The following CD300C variants were observed in gnomAD, a reference collection of about 807,000 sequenced individuals.
CD300C encodes the protein CMRF35-like molecule 6.
A neutral mutation model predicts 18.4 loss-of-function variants in CD300C; 11 were observed. The observed-to-expected ratio is 0.60, with a 90% CI of 0.38 to 0.99. CD300C has a LOEUF of 0.99. Among genes scored for constraint, CD300C ranks in the 50% least tolerant of loss-of-function variants. The pLI, the probability that CD300C is intolerant of heterozygous loss-of-function variation, is 0.01. For synonymous variants in CD300C, 116 were observed against 116.3 expected, an observed-to-expected ratio of 1.00 and a Z score of 0.02; for missense variants, 277 against 287.4, an observed-to-expected ratio of 0.96 and a Z score of 0.26.
chr17:74,539,113 G>A (rs897887502), downstream of CD300C, among the ~76,000 whole-genome samples: 5 of 152,164 alleles, frequency 3.3e-5, no homozygotes, highest in Non-Finnish European at 5.9e-5. Context: ...CATGCCTTAA[G>A]CATATTCCTT....
intron 2 of CD300C, among the ~76,000 whole-genome samples, chr17:74,543,794 C>A (rs1284890405): frequency 1.3e-5 from 2 of 152,278 alleles, no homozygotes; most frequent in Middle Eastern, 3.4e-3. Context: ...CAGGAGGGGG[C>A]CTTTGAGGGA....
chr17:74,535,711 C>T, the CD300C span, among the ~76,000 whole-genome samples: 3 of 151,712 alleles, frequency 2.0e-5, no homozygotes, highest in Admixed American at 6.6e-5. Flanking sequence ...TTTTTTAGTA[C>T]GTTGACTGGT....
rs529366235 is a variant in CD300C at position 74,543,669 on chromosome 17, G to A, written c.401-682C>T. ...GGCACAAAGGGCGCAGGAGGGACAC[G>A]TCGCCCCCGGGGAAATGGAGAACAA... On this transcript the variant is annotated intron_variant, in intron 2 of 3. Transcript: ENST00000330793. 3.3e-5 allele frequency among the ~76,000 whole-genome samples: 5 copies of A among 152,284 alleles called. No individual in the cohort carries two copies. The South Asian group carries it at 6.2e-4, about 19-fold the overall frequency.
chr17:74,541,873 G>A (rs1017504034), intron 3 of CD300C, 137 bp from the exon 4 acceptor site: 57 of 874,998 alleles, frequency 6.5e-5, no homozygotes, highest in Middle Eastern at 3.5e-4. Flanking sequence ...AGTCCATCCC[G>A]TCTCAGCATC....
At chr17:74,535,623 C>T in the CD300C span, among the ~76,000 whole-genome samples, 1 of 151,694 alleles carries the variant, frequency 6.6e-6, no homozygotes, top group Non-Finnish European at 1.5e-5. Flanking sequence ...AATTACATAC[C>T]ATGTTCATAG....
At chr17:74,543,676 C>T (rs1908641770) in intron 2 of CD300C, among the ~76,000 whole-genome samples, 1 of 152,144 alleles carries the variant, frequency 6.6e-6, no homozygotes, top group East Asian at 1.9e-4. Context: ...CACGTCGCCC[C>T]CGGGGAAATG....
At position 74,544,901 on chromosome 17, in the gene CD300C, C is replaced by G. The variant is rs776687961; in HGVS notation, c.108G>C (p.Gly36=). 5 of 1,613,600 alleles carry G rather than the reference C, an allele frequency of 3.1e-6. No individual in the cohort carries two copies. Among genetic ancestry groups the G allele is most frequent in the Non-Finnish European group, 4.2e-6 (5 of 1,179,718 alleles). The part of the protein sequence containing the change: ...SHPMTVAGPV[G]GSLSVQCRYE... ...AGCGACACTGCACACTCAGGGATCC[C>G]CCCACGGGGCCCGCCACGGTCATGG... Residue 36 remains glycine (G), a synonymous_variant, in exon 2 of 4, where the codon GGG becomes GGC. Coordinates refer to ENST00000330793, the MANE Select transcript of CD300C (RefSeq NM_006678.5).
In CD300C at chr17:74,542,948, C is replaced by T. The variant is rs1014741748; in HGVS notation, c.440G>A (p.Gly147Asp). 3 of 1,613,432 alleles carry T rather than the reference C, an allele frequency of 1.9e-6. No homozygotes were observed. The highest frequency in any genetic ancestry group is 2.5e-6 in the Non-Finnish European group (3 of 1,180,004). The change falls in exon 3 of 4, where the codon GGC becomes GAC. Residue 147 changes from glycine (G) to aspartate (D), a missense_variant. By Grantham distance (94) the Gly-to-Asp change is moderately conservative (BLOSUM62 -1). Transcript: ENST00000330793. ...TTASSPQSSM[G>D]TSGPPTKLPV... The stretch of plus-strand genomic sequence containing the variant: ...CAGCTTCGTGGGAGGACCTGAGGTG[C>T]CCATGGAGCTCTGGGGGCTGGAGGC...
intron 2 of CD300C, 74 bp downstream of exon 2, chr17:74,544,535 A>T: frequency 2.6e-6 from 4 of 1,514,606 alleles, no homozygotes; most frequent in Non-Finnish European, 3.6e-6. Context: ...CTCCTGTTCC[A>T]CTTCTTTCTT....
chr17:74,544,540 T>C (rs1908678568), intron 2 of CD300C, 69 bp downstream of exon 2: 1 of 1,531,422 alleles, frequency 6.5e-7, no homozygotes, highest in Non-Finnish European at 8.9e-7. Context: ...GTTCCACTTC[T>C]TTCTTCAGGG....
intron 3 of CD300C, 47 bp from the exon 4 acceptor site, chr17:74,541,783 C>T: frequency 6.3e-7 from 1 of 1,575,278 alleles, no homozygotes. Flanking sequence ...CCAGGGGAGG[C>T]CCAGGTGCCC....
chr17:74,543,678 G>A (rs538197262), intron 2 of CD300C, among the ~76,000 whole-genome samples: 2 of 152,292 alleles, frequency 1.3e-5, no homozygotes, highest in African/African-American at 2.4e-5. Flanking sequence ...CGTCGCCCCC[G>A]GGGAAATGGA....
intron 2 of CD300C, among the ~76,000 whole-genome samples, chr17:74,543,692 C>A (rs551808644): frequency 6.6e-6 from 1 of 152,104 alleles, no homozygotes; most frequent in Non-Finnish European, 1.5e-5. Flanking sequence ...AAATGGAGAA[C>A]AAGAAGATGC....
At chr17:74,535,287 T>G in the CD300C span, among the ~76,000 whole-genome samples, 4 of 151,880 alleles carry the variant, frequency 2.6e-5, no homozygotes, top group Non-Finnish European at 5.9e-5. Flanking sequence ...ACCAACATGG[T>G]GAAACCCCGT....
At chr17:74,543,708 G>A (rs558437764) in intron 2 of CD300C, among the ~76,000 whole-genome samples, 93 of 152,202 alleles carry the variant, frequency 6.1e-4, no homozygotes, top group Non-Finnish European at 2.4e-4. Context: ...GATGCTCCGA[G>A]GAACCTGGGA....
At position 74,545,672 on chromosome 17, in the gene CD300C, C is replaced by T. The variant is rs1404908939; in HGVS notation, c.61+50G>A. ...CTCCAGCGCCTGCACCCCTCCCTGC[C>T]CTCTCCCACTCAGGACAGAGCTCCC... On this transcript the variant is annotated intron_variant, in intron 1 of 3. Transcript: ENST00000330793. 1.3e-5 allele frequency: 19 copies of T among 1,433,894 alleles called. No homozygotes were observed. The African/African-American group carries it at 1.4e-4, about 11-fold the overall frequency. 88.8% of individuals were successfully genotyped at this position (1,433,894 alleles called of 1,614,324 possible).
At chr17:74,543,504 C>T (rs1423337256) in intron 2 of CD300C, among the ~76,000 whole-genome samples, 5 of 152,204 alleles carry the variant, frequency 3.3e-5, no homozygotes, top group Non-Finnish European at 5.9e-5. Context: ...GGAGGGAATG[C>T]CCAGGAAGAA....
At chr17:74,541,867 C>G (rs1378657077) in intron 3 of CD300C, 131 bp from the exon 4 acceptor site, 1 of 917,332 alleles carries the variant, frequency 1.1e-6, no homozygotes, top group Non-Finnish European at 1.6e-6. Context: ...CTGGACAGTC[C>G]ATCCCGTCTC....
intron 2 of CD300C, among the ~76,000 whole-genome samples, chr17:74,544,110 G>A (rs1908660072): frequency 6.6e-6 from 1 of 152,212 alleles, no homozygotes; most frequent in Non-Finnish European, 1.5e-5. Flanking sequence ...ATCCATGCAG[G>A]CCCCAGGGCA....
Sources: gnomAD v4.1 joint callset for allele counts (sites outside exome capture counted in the v4.1 genomes callset) on GRCh38, gnomAD v4.1.1 for gene constraint, MANE v1.5 for transcripts, NCBI Gene and HGNC (gene_info 2026-07-23, HGNC 2026-07-21) for gene names.